SULT1B1: variants seen among roughly 807,000 people sequenced by gnomAD.
The protein encoded by SULT1B1 is sulfotransferase 1B1.
SULT1B1 carries 28 observed loss-of-function variants against 34.6 expected under a neutral mutation model. The ratio of observed to expected loss-of-function variants is 0.81; its 90% confidence interval spans 0.60 to 1.11. The LOEUF (loss-of-function observed/expected upper bound fraction) is 1.11. SULT1B1 is among the 50% of genes least tolerant of loss of function. The pLI, the probability that SULT1B1 is intolerant of heterozygous loss-of-function variation, is 0.00. For synonymous variants in SULT1B1, 147 were observed against 110.2 expected, an observed-to-expected ratio of 1.33 and a Z score of -2.09; for missense variants, 374 against 352.2, an observed-to-expected ratio of 1.06 and a Z score of -0.50.
intron 4 of SULT1B1, among the ~76,000 whole-genome samples, chr4:69,741,262 C>G (rs980645520): frequency 6.6e-6 from 1 of 152,138 alleles, no homozygotes; most frequent in African/African-American, 2.4e-5. Flanking sequence ...GTTTTTGTAC[C>G]AGTACCATGC....
At position 69,726,524 on chromosome 4, in the gene SULT1B1, G is replaced by T. The variant is rs4149419; in HGVS notation, c.*564C>A. ...GACATTAGGTATGATATAGAAAAAA[G>T]ATTTCCAAAATCTGAACTACATGAT... On this transcript the variant is annotated 3_prime_UTR_variant, in exon 8 of 8. Transcript: ENST00000310613. The T allele has an allele frequency of 0.28, 42,208 of 151,624 alleles. 7,399 individuals are homozygous for T. Among genetic ancestry groups the T allele is most frequent in the South Asian group, 0.45 (2,155 of 4,808 alleles). 9.4% of individuals were successfully genotyped at this position (151,624 alleles called of 1,614,324 possible). A position where few individuals can be genotyped will look rare whatever the true frequency, so the allele number is the denominator to read the frequency against.
chr4:69,739,986 A>G (rs1718478869), intron 4 of SULT1B1, among the ~76,000 whole-genome samples: 1 of 152,234 alleles, frequency 6.6e-6, no homozygotes, highest in South Asian at 2.1e-4. Context: ...CAGTTTGGTC[A>G]AAACCATTCA....
At chr4:69,728,700 T>C (rs1717938086) in intron 7 of SULT1B1, among the ~76,000 whole-genome samples, 1 of 152,126 alleles carries the variant, frequency 6.6e-6, no homozygotes, top group East Asian at 1.9e-4. Flanking sequence ...TTTAGACTAA[T>C]AATGCTTTTT....
rs1717797171 is a variant in SULT1B1, at chr4:69,725,457, G to C, written c.*1631C>G. ...ACTAGTTCAACCATTGTGGAAGACAGTGTGGCAATTCCTCAGAGATCTAGA... is the reference window on the plus strand; with the variant it reads ...ACTAGTTCAACCATTGTGGAAGACACTGTGGCAATTCCTCAGAGATCTAGA... On this transcript the variant is annotated 3_prime_UTR_variant, in exon 8 of 8. Coordinates refer to ENST00000310613, the MANE Select transcript of SULT1B1 (RefSeq NM_014465.4). 1 of 152,222 alleles carries C rather than the reference G, an allele frequency of 6.6e-6. No homozygotes were observed. Among genetic ancestry groups the C allele is most frequent in the Non-Finnish European group, 1.5e-5 (1 of 68,050 alleles). 9.4% of individuals were successfully genotyped at this position (152,222 alleles called of 1,614,324 possible).
At chr4:69,733,631 C>G in intron 5 of SULT1B1, 124 bp from the exon 6 acceptor site, 2 of 659,212 alleles carry the variant, frequency 3.0e-6, no homozygotes, top group Non-Finnish European at 4.8e-6. Flanking sequence ...AATATGAGGA[C>G]AATCTTAAAA....
chr4:69,760,394 G>T, intron 1 of SULT1B1, 65 bp downstream of exon 1: 1 of 181,752 alleles, frequency 5.5e-6, no homozygotes, highest in Non-Finnish European at 1.1e-5. Flanking sequence ...ATTGTTCTGA[G>T]GCACACAATA....
chr4:69,736,007 G>A (rs981595302), intron 4 of SULT1B1, among the ~76,000 whole-genome samples: 17 of 152,150 alleles, frequency 1.1e-4, no homozygotes, highest in African/African-American at 4.1e-4. Context: ...ACCCTTAGTA[G>A]CAGCCGTGTG....
chr4:69,747,662 G>C (rs116584097), intron 4 of SULT1B1, among the ~76,000 whole-genome samples: 1 of 152,298 alleles, frequency 6.6e-6, no homozygotes, highest in South Asian at 2.1e-4. Context: ...ACTCCACACA[G>C]CGTAGAGTAC....
intron 3 of SULT1B1, among the ~76,000 whole-genome samples, chr4:69,751,602 C>A (rs1318353460): frequency 2.6e-5 from 4 of 152,178 alleles, no homozygotes; most frequent in Admixed American, 6.5e-5. Flanking sequence ...CCGGCGCCCG[C>A]CACCACGCCC....
rs898572811 is a variant in SULT1B1, at chr4:69,721,441, T to A, written c.*5647A>T. 1 of 152,114 alleles carries A rather than the reference T, an allele frequency of 6.6e-6. No individual in the cohort carries two copies. The highest frequency in any genetic ancestry group is 1.5e-5 in the Non-Finnish European group (1 of 68,014). 9.4% of individuals were successfully genotyped at this position (152,114 alleles called of 1,614,324 possible). A position where few individuals can be genotyped will look rare whatever the true frequency, so the allele number is the denominator to read the frequency against. On this transcript the variant is annotated 3_prime_UTR_variant, in exon 8 of 8. Transcript: ENST00000310613. ...AAATAATTGTTTTCCCATATATCAT[T>A]AATATCAAGCATTTTGAAGAAATTA...
chr4:69,743,645 G>T (rs1363416972), intron 4 of SULT1B1, among the ~76,000 whole-genome samples: 1 of 152,162 alleles, frequency 6.6e-6, no homozygotes, highest in Non-Finnish European at 1.5e-5. Flanking sequence ...GCTTCGACCT[G>T]CCCTCAGCAG....
At chr4:69,753,645 C>T (rs1719069995) in intron 3 of SULT1B1, among the ~76,000 whole-genome samples, 1 of 152,148 alleles carries the variant, frequency 6.6e-6, no homozygotes, top group African/African-American at 2.4e-5. Flanking sequence ...TATTCTTTCC[C>T]CAAGTATGTA....
At chr4:69,734,385 G>A in intron 4 of SULT1B1, 121 bp from the exon 5 acceptor site, 1 of 1,073,260 alleles carries the variant, frequency 9.3e-7, no homozygotes, top group Non-Finnish European at 1.3e-6. Flanking sequence ...TTGTGGGCCA[G>A]GGAGGCCCTT....
intron 4 of SULT1B1, among the ~76,000 whole-genome samples, chr4:69,737,584 C>T (rs753644470): frequency 6.6e-6 from 1 of 151,744 alleles, no homozygotes; most frequent in African/African-American, 2.4e-5. Flanking sequence ...AGTAAAGGGG[C>T]CTAAATGGAA....
At chr4:69,745,126 T>C (rs79381013) in intron 4 of SULT1B1, among the ~76,000 whole-genome samples, 9,898 of 152,260 alleles carry the variant, frequency 0.065, 609 homozygotes, top group East Asian at 0.37. Context: ...CTTGTATTTA[T>C]TGAGAATTGC....
chr4:69,746,482 T>C (rs1718749753), intron 4 of SULT1B1, among the ~76,000 whole-genome samples: 1 of 152,218 alleles, frequency 6.6e-6, no homozygotes, highest in African/African-American at 2.4e-5. Context: ...TTTCTCAGCT[T>C]GGTCTATTCT....
At chr4:69,730,480 T>C in intron 7 of SULT1B1, 21 bp downstream of exon 7, 1 of 1,580,098 alleles carries the variant, frequency 6.3e-7, no homozygotes, top group South Asian at 1.1e-5. Flanking sequence ...AAAGGGAAAT[T>C]AAACCCAGCA....
At chr4:69,728,239 T>C (rs915844255) in intron 7 of SULT1B1, among the ~76,000 whole-genome samples, 1 of 152,094 alleles carries the variant, frequency 6.6e-6, no homozygotes, top group Non-Finnish European at 1.5e-5. Context: ...CTGATCTGCA[T>C]ATAAATTTTA....
chr4:69,749,177 T>C (rs1473739590), intron 4 of SULT1B1, among the ~76,000 whole-genome samples: 1 of 151,954 alleles, frequency 6.6e-6, no homozygotes, highest in Non-Finnish European at 1.5e-5. Flanking sequence ...TCAGAACAAA[T>C]CCTGCAGCCG....
Sources: gnomAD v4.1 joint callset for allele counts (sites outside exome capture counted in the v4.1 genomes callset) on GRCh38, gnomAD v4.1.1 for gene constraint, MANE v1.5 for transcripts, NCBI Gene and HGNC (gene_info 2026-07-23, HGNC 2026-07-21) for gene names.